The following CLRN1 variants were observed in gnomAD, a reference collection of about 807,000 sequenced individuals.
CLRN1 encodes clarin 1.
CLRN1 carries 15 observed loss-of-function variants against 18.7 expected under a neutral mutation model. That is an observed-to-expected ratio of 0.80 (90% CI 0.54 to 1.23). The LOEUF is 1.23. Ranked by LOEUF, CLRN1 falls within the 50% of genes most tolerant of loss-of-function variation. The pLI, the probability that CLRN1 is intolerant of heterozygous loss-of-function variation, is 0.00. For missense variants in CLRN1, 311 were observed against 277.5 expected, an observed-to-expected ratio of 1.12 and a Z score of -0.86; for synonymous variants, 104 against 102.9, an observed-to-expected ratio of 1.01 and a Z score of -0.07.
chr3:150,951,632 C>G (rs916205273), intron 1 of CLRN1, among the ~76,000 whole-genome samples: 1 of 152,116 alleles, frequency 6.6e-6, no homozygotes, highest in Non-Finnish European at 1.5e-5. Context: ...GTCACCGCGC[C>G]CGGCCTGAGA....
intron 1 of CLRN1, among the ~76,000 whole-genome samples, chr3:150,955,110 T>C (rs1576640467): frequency 6.6e-6 from 1 of 152,312 alleles, no homozygotes; most frequent in South Asian, 2.1e-4. Context: ...AGATCTTAAA[T>C]AACTGTGCTA....
Position 150,927,957 on chromosome 3 carries a change from T to C in CLRN1, c.678A>G (p.Val226=). 1 of 1,614,200 alleles carries C rather than the reference T, an allele frequency of 6.2e-7. No individual in the cohort carries two copies. Among genetic ancestry groups the C allele is most frequent in the Non-Finnish European group, 8.5e-7 (1 of 1,180,024 alleles). The change falls in exon 3 of 3, where the codon GTA becomes GTG. Residue 226 remains valine, a synonymous_variant. Transcript: ENST00000327047. ...AKSKDAETTN[V]AADLMY Reference sequence around the variant, plus strand: ...CCTTTCAGTACATTAGATCTGCAGCTACATTAGTTGTTTCTGCGTCTTTAG... The same window carrying C: ...CCTTTCAGTACATTAGATCTGCAGCCACATTAGTTGTTTCTGCGTCTTTAG...
At chr3:150,938,520 C>A (rs1304105399) in intron 2 of CLRN1, among the ~76,000 whole-genome samples, 2 of 152,146 alleles carry the variant, frequency 1.3e-5, no homozygotes, top group Non-Finnish European at 2.9e-5. Context: ...TCCAAAGTGA[C>A]CTGTTTATCC....
intron 1 of CLRN1, among the ~76,000 whole-genome samples, chr3:150,953,506 A>G (rs1432198284): frequency 6.6e-6 from 1 of 152,218 alleles, no homozygotes; most frequent in African/African-American, 2.4e-5. Context: ...AAAGCCAATA[A>G]TTATAAAACA....
intron 1 of CLRN1, among the ~76,000 whole-genome samples, chr3:150,957,238 T>C (rs1005478930): frequency 5.4e-5 from 8 of 146,958 alleles, no homozygotes; most frequent in Non-Finnish European, 9.1e-5. Context: ...TCCCATTTTA[T>C]ACACACACAC....
In CLRN1 at chr3:150,927,067, C is replaced by A; in HGVS notation, c.*869G>T. 1.1e-6 allele frequency: 1 copy of A among 911,014 alleles called. No homozygotes were observed. The highest frequency in any genetic ancestry group is 1.7e-6 in the Non-Finnish European group (1 of 577,406). The allele number at this position is 911,014 out of a possible 1,614,324, so 56.4% of individuals were successfully genotyped here. Reference sequence around the variant, plus strand: ...CAGCCCCTAATAAGTCATTTTGCATCAAATGTACTAAGCAGAGATCATTTT... The same window carrying A: ...CAGCCCCTAATAAGTCATTTTGCATAAAATGTACTAAGCAGAGATCATTTT... On this transcript the variant is annotated 3_prime_UTR_variant, in exon 3 of 3. Transcript: ENST00000327047.
intron 1 of CLRN1, among the ~76,000 whole-genome samples, chr3:150,965,762 G>A (rs149551701): frequency 3.1e-3 from 473 of 152,234 alleles, no homozygotes; most frequent in African/African-American, 7.6e-3. Context: ...CTATTAGGGT[G>A]TGGGATGATT....
At chr3:150,954,509 G>A (rs553523142) in intron 1 of CLRN1, among the ~76,000 whole-genome samples, 1 of 152,246 alleles carries the variant, frequency 6.6e-6, no homozygotes, top group African/African-American at 2.4e-5. Context: ...ATGCATGCTG[G>A]ATACAAACCC....
intron 2 of CLRN1, among the ~76,000 whole-genome samples, chr3:150,933,283 G>A (rs1473640548): frequency 6.6e-6 from 1 of 152,112 alleles, no homozygotes; most frequent in African/African-American, 2.4e-5. Flanking sequence ...AATGGAAAGG[G>A]AGAGAGAGGC....
At chr3:150,945,928 G>A (rs1026239357) in intron 1 of CLRN1, among the ~76,000 whole-genome samples, 1 of 152,160 alleles carries the variant, frequency 6.6e-6, no homozygotes, top group African/African-American at 2.4e-5. Context: ...TTTATCCTAT[G>A]AATATTTTTG....
At chr3:150,940,598 C>A in intron 2 of CLRN1, 1 of 1,350,478 alleles carries the variant, frequency 7.4e-7, no homozygotes, top group African/African-American at 1.4e-5. Flanking sequence ...CGTTCTGTAT[C>A]CCTCCATGAA....
intron 1 of CLRN1, among the ~76,000 whole-genome samples, chr3:150,959,450 G>A (rs1406414015): frequency 2.0e-5 from 3 of 152,044 alleles, no homozygotes; most frequent in Admixed American, 1.3e-4. Flanking sequence ...CCAACATGGT[G>A]AAACCCCGTC....
intron 2 of CLRN1, among the ~76,000 whole-genome samples, chr3:150,932,611 A>T (rs571938036): frequency 5.9e-5 from 9 of 152,326 alleles, no homozygotes; most frequent in African/African-American, 2.2e-4. Context: ...CTTTTCAAGG[A>T]ATATTGAGAG....
chr3:150,932,905 T>C (rs1210309980), intron 2 of CLRN1, among the ~76,000 whole-genome samples: 1 of 152,200 alleles, frequency 6.6e-6, no homozygotes, highest in Non-Finnish European at 1.5e-5. Context: ...TAGATGTAGA[T>C]GAAGGAATAA....
intron 2 of CLRN1, among the ~76,000 whole-genome samples, chr3:150,938,875 G>C (rs1445938717): frequency 6.6e-6 from 1 of 152,202 alleles, no homozygotes; most frequent in Non-Finnish European, 1.5e-5. Flanking sequence ...CCTTGCATTA[G>C]GCCTGGCCAA....
At position 150,927,148 on chromosome 3, in the gene CLRN1, G is replaced by A. The variant is rs1277375785; in HGVS notation, c.*788C>T. ...GTTCATTGAAAGTACTGTCGTGAAT[G>A]TAATTGGGACTCAGGCACGGGAGGA... On this transcript the variant is annotated 3_prime_UTR_variant, in exon 3 of 3. Coordinates refer to ENST00000327047, the MANE Select transcript of CLRN1 (RefSeq NM_174878.3). 25 of 668,652 alleles carry A rather than the reference G, an allele frequency of 3.7e-5. No homozygotes were observed. The highest frequency in any genetic ancestry group is 6.5e-5 in the Non-Finnish European group (24 of 371,238). The allele number at this position is 668,652 out of a possible 1,614,324, so 41.4% of individuals were successfully genotyped here.
chr3:150,945,004 G>T (rs1157963379), intron 1 of CLRN1, among the ~76,000 whole-genome samples: 1 of 152,142 alleles, frequency 6.6e-6, no homozygotes, highest in Non-Finnish European at 1.5e-5. Context: ...AAAGAGGACT[G>T]GGGCTAGGGT....
At chr3:150,964,438 C>T (rs1028324392) in intron 1 of CLRN1, among the ~76,000 whole-genome samples, 3 of 152,270 alleles carry the variant, frequency 2.0e-5, no homozygotes, top group Admixed American at 6.5e-5. Context: ...GAAATAGGAA[C>T]GCTTTTACAC....
chr3:150,964,880 TCA>T (rs1227096262), intron 1 of CLRN1, among the ~76,000 whole-genome samples: 1 of 146,482 alleles, frequency 6.8e-6, no homozygotes, highest in Non-Finnish European at 1.5e-5. Flanking sequence ...GAGGGGAATA[TCA>T]CACACCGGGG....
Sources: gnomAD v4.1 joint callset for allele counts (sites outside exome capture counted in the v4.1 genomes callset) on GRCh38, gnomAD v4.1.1 for gene constraint, MANE v1.5 for transcripts, NCBI Gene and HGNC (gene_info 2026-07-23, HGNC 2026-07-21) for gene names.